Variants in ARHGAP15 observed in about 807,000 individuals in gnomAD.
ARHGAP15 encodes the protein rho GTPase-activating protein 15.
Under a neutral mutation model 63.7 loss-of-function variants are expected in ARHGAP15, and 51 were observed. The observed-to-expected ratio is 0.80, with a 90% CI of 0.64 to 1.01. The LOEUF (loss-of-function observed/expected upper bound fraction) is 1.01, where lower values mean the gene tolerates loss of function less well. Among genes scored for constraint, ARHGAP15 ranks in the 50% least tolerant of loss-of-function variants. ARHGAP15 has a pLI of 0.00. For missense variants in ARHGAP15, 560 were observed against 564.6 expected (o/e 0.99, Z 0.08); for synonymous variants, 191 against 193.8 (o/e 0.99, Z 0.12).
chr2:143,375,240 C>G (rs1197973350), intron 6 of ARHGAP15, among the ~76,000 whole-genome samples: 1 of 152,144 alleles, frequency 6.6e-6, no homozygotes, highest in Non-Finnish European at 1.5e-5. Context: ...AATTGCATTA[C>G]TAACATCTAT....
intron 11 of ARHGAP15, among the ~76,000 whole-genome samples, chr2:143,619,153 C>T (rs998216610): frequency 6.6e-6 from 1 of 152,122 alleles, no homozygotes; most frequent in Non-Finnish European, 1.5e-5. Flanking sequence ...CTCCTTGTTC[C>T]TTGGAAACTA....
chr2:143,573,705 G>A (rs995747090), intron 11 of ARHGAP15, among the ~76,000 whole-genome samples: 1 of 152,122 alleles, frequency 6.6e-6, no homozygotes, highest in African/African-American at 2.4e-5. Flanking sequence ...TTTTCCATAT[G>A]TGCACAATAA....
At chr2:143,150,640 T>G (rs1233558562) in intron 1 of ARHGAP15, among the ~76,000 whole-genome samples, 1 of 152,040 alleles carries the variant, frequency 6.6e-6, no homozygotes, top group Non-Finnish European at 1.5e-5. Flanking sequence ...GGATATTTAT[T>G]TGGAGAGTTT....
At chr2:143,440,775 G>T (rs1046456077) in intron 8 of ARHGAP15, among the ~76,000 whole-genome samples, 1 of 152,134 alleles carries the variant, frequency 6.6e-6, no homozygotes, top group African/African-American at 2.4e-5. Flanking sequence ...AATCACTGTG[G>T]GAAACTCAGG....
intron 6 of ARHGAP15, among the ~76,000 whole-genome samples, chr2:143,263,786 A>G (rs1190509887): frequency 6.6e-6 from 1 of 151,800 alleles, no homozygotes; most frequent in Non-Finnish European, 1.5e-5. Flanking sequence ...AAATCAGTCT[A>G]TATTCTAACC....
intron 1 of ARHGAP15, among the ~76,000 whole-genome samples, chr2:143,151,906 C>T (rs1204250350): frequency 6.6e-6 from 1 of 151,890 alleles, no homozygotes; most frequent in Non-Finnish European, 1.5e-5. Flanking sequence ...AGTCACAGGT[C>T]CCACAGCCAC....
intron 13 of ARHGAP15, among the ~76,000 whole-genome samples, chr2:143,723,332 A>AGGGGCTGAAGGAGGAGGCT (rs1217619589): frequency 6.6e-6 from 1 of 152,142 alleles, no homozygotes; most frequent in African/African-American, 2.4e-5. Flanking sequence ...TTAGGGATGG[A>AGGGGCTGAAGGAGGAGGCT]GGGGCTGAAG....
intron 10 of ARHGAP15, among the ~76,000 whole-genome samples, chr2:143,529,834 C>T (rs1436014152): frequency 1.3e-5 from 2 of 152,116 alleles, no homozygotes; most frequent in Non-Finnish European, 2.9e-5. Flanking sequence ...CCACAATATT[C>T]CAGTGACAGC....
intron 10 of ARHGAP15, among the ~76,000 whole-genome samples, chr2:143,552,919 G>A (rs184762444): frequency 1.8e-4 from 28 of 152,248 alleles, no homozygotes; most frequent in Non-Finnish European, 2.6e-4. Flanking sequence ...CCTTGAAGAC[G>A]TTGGTCATTT....
At chr2:143,720,063 T>C (rs544902591) in intron 13 of ARHGAP15, among the ~76,000 whole-genome samples, 1 of 152,240 alleles carries the variant, frequency 6.6e-6, no homozygotes, top group East Asian at 1.9e-4. Context: ...CCAAAGCACT[T>C]TTTTTTCCAA....
chr2:143,257,596 T>C (rs138766707), intron 6 of ARHGAP15, among the ~76,000 whole-genome samples: 94 of 152,214 alleles, frequency 6.2e-4, no homozygotes, highest in African/African-American at 2.1e-3. Context: ...ACCGACATCA[T>C]ATTGTGAATC....
chr2:143,321,783 A>G (rs180902824), intron 6 of ARHGAP15, among the ~76,000 whole-genome samples: 3 of 152,250 alleles, frequency 2.0e-5, no homozygotes, highest in African/African-American at 2.4e-5. Flanking sequence ...TGCACCCTCA[A>G]TCTTCTGGGC....
chr2:143,521,138 A>C (rs578082702), intron 10 of ARHGAP15, among the ~76,000 whole-genome samples: 1 of 152,316 alleles, frequency 6.6e-6, no homozygotes, highest in Non-Finnish European at 1.5e-5. Context: ...AGCACTAAAC[A>C]GGCGCTAATC....
intron 6 of ARHGAP15, among the ~76,000 whole-genome samples, chr2:143,291,150 G>A (rs1682378442): frequency 6.6e-6 from 1 of 152,090 alleles, no homozygotes; most frequent in African/African-American, 2.4e-5. Context: ...TGAAAGTCCA[G>A]GTGATTTAAC....
intron 3 of ARHGAP15, among the ~76,000 whole-genome samples, chr2:143,215,865 G>A (rs1692737178): frequency 6.6e-6 from 1 of 152,168 alleles, no homozygotes; most frequent in Non-Finnish European, 1.5e-5. Context: ...AGAAGATAAT[G>A]AGATACTGCT....
rs1048851364 is a variant in ARHGAP15, at chr2:143,249,101, C to T, written c.385-1410C>T. Among the ~76,000 whole-genome samples, 18 of 151,936 alleles carry T rather than the reference C, an allele frequency of 1.2e-4. 1 individual carries two copies. The highest frequency in any genetic ancestry group is 9.8e-4 in the Admixed American group (15 of 15,248). On this transcript the variant is annotated intron_variant, in intron 5 of 13. Transcript: ENST00000295095. The stretch of plus-strand genomic sequence containing the variant: ...AATAGTGATCACCTGGGTGGCAGAG[C>T]GTGGGTGAAACAATAAAAACTTTTC...
At chr2:143,191,895 G>T (rs1411051263) in intron 2 of ARHGAP15, among the ~76,000 whole-genome samples, 1 of 152,076 alleles carries the variant, frequency 6.6e-6, no homozygotes, top group Non-Finnish European at 1.5e-5. Flanking sequence ...AAAATGTGCT[G>T]CCTTGAAGAA....
chr2:143,275,005 TAA>T (rs35572753), intron 6 of ARHGAP15, among the ~76,000 whole-genome samples: 19 of 144,980 alleles, frequency 1.3e-4, no homozygotes, highest in African/African-American at 4.4e-4. Flanking sequence ...TACTAAAAAT[TAA>T]AAAAAAAAAA....
intron 11 of ARHGAP15, among the ~76,000 whole-genome samples, chr2:143,598,174 GGAGTGT>G (rs1461980484): frequency 1.1e-4 from 16 of 152,218 alleles, no homozygotes; most frequent in Non-Finnish European, 1.5e-4. Flanking sequence ...TATCCCAGCA[GGAGTGT>G]CTGAAATGCA....
Sources: allele counts gnomAD v4.1 joint callset (sites outside exome capture counted in the v4.1 genomes callset), GRCh38; gene constraint gnomAD v4.1.1; transcripts MANE v1.5; gene names NCBI Gene and HGNC (gene_info 2026-07-23, HGNC 2026-07-21).